Variants in DNAI1 observed in about 807,000 individuals in gnomAD.
The protein encoded by DNAI1 is dynein axonemal intermediate chain 1.
Under a neutral mutation model 92.0 loss-of-function variants are expected in DNAI1, and 67 were observed. That is an observed-to-expected ratio of 0.73 (90% CI 0.60 to 0.89). The LOEUF (loss-of-function observed/expected upper bound fraction) is 0.89, where lower values mean the gene tolerates loss of function less well. Ranked by LOEUF, DNAI1 falls within the 40% of genes least tolerant of loss-of-function variation. The probability of loss-of-function intolerance (pLI) is 0.00; values close to 1 mark genes in which losing one functional copy is unlikely to be tolerated. For synonymous variants in DNAI1, 323 were observed against 319.6 expected (o/e 1.01, Z -0.11); for missense variants, 839 against 866.6 (o/e 0.97, Z 0.40).
At chr9:34,466,378 A>G (rs1824038611) in intron 1 of DNAI1, among the ~76,000 whole-genome samples, 1 of 152,192 alleles carries the variant, frequency 6.6e-6, no homozygotes, top group Admixed American at 6.5e-5. Context: ...CTCAAATCTT[A>G]TTTGGGAACA....
intron 1 of DNAI1, among the ~76,000 whole-genome samples, chr9:34,462,265 A>T (rs1051112448): frequency 2.0e-5 from 3 of 152,130 alleles, no homozygotes; most frequent in African/African-American, 7.2e-5. Flanking sequence ...CTGGAAAGTG[A>T]TATTCACACT....
Position 34,485,213 on chromosome 9 carries a change from C to T in DNAI1, c.153C>T (p.Pro51=). 1 of 1,614,146 alleles carries T rather than the reference C, an allele frequency of 6.2e-7. No homozygotes were observed. The highest frequency in any genetic ancestry group is 8.5e-7 in the Non-Finnish European group (1 of 1,180,024). ...EWAQSKATVR[P]PDQLELTDAE... ...CCCAATCCAAAGCCACAGTTAGACC[C>T]CCTGACCAGCTGGAGTTGACCGATG... The change falls in exon 3 of 20, where the codon CCC becomes CCT. Residue 51 remains proline (P), a synonymous_variant. Coordinates refer to ENST00000242317, the MANE Select transcript of DNAI1 (RefSeq NM_012144.4).
Position 34,491,545 on chromosome 9 carries a change from A to G in DNAI1, c.672A>G (p.Thr224=), listed in dbSNP as rs201101182. The change falls in exon 8 of 20, where the codon ACA becomes ACG. Residue 224 remains threonine (T), a synonymous_variant. Transcript: ENST00000242317. ...CTCCCAGGACAAACTTTTCAGCCACAGCCAATCAGGTAAGACCCTGGGCCA... is the reference window on the plus strand; with the variant it reads ...CTCCCAGGACAAACTTTTCAGCCACGGCCAATCAGGTAAGACCCTGGGCCA... ...EPPPRTNFSA[T]ANQWEIYDAY... is the part of the protein sequence containing the mutation. The G allele has an allele frequency of 2.0e-5, 32 of 1,614,212 alleles. No homozygotes were observed. The East Asian group carries it at 4.9e-4, about 25-fold the overall frequency.
At chr9:34,519,497 AAG>A (rs1410709703) in intron 19 of DNAI1, among the ~76,000 whole-genome samples, 9 of 152,118 alleles carry the variant, frequency 5.9e-5, no homozygotes, top group Admixed American at 2.6e-4. Context: ...GGAGAGAGGG[AAG>A]AGAGAGAAAA....
intron 16 of DNAI1, among the ~76,000 whole-genome samples, chr9:34,513,738 G>A (rs1825117150): frequency 6.6e-6 from 1 of 152,184 alleles, no homozygotes; most frequent in African/African-American, 2.4e-5. Flanking sequence ...GAGCCCCTGA[G>A]GCCCAGCCAG....
rs1364331742 is a variant in DNAI1 at position 34,479,753 on chromosome 9, C to T, written c.49-3695C>T. Among the ~76,000 whole-genome samples the T allele has an allele frequency of 3.9e-5, 6 of 152,228 alleles. No homozygotes were observed. The South Asian group carries it at 1.2e-3, about 32-fold the overall frequency. Reference sequence around the variant, plus strand: ...TAGCTCTCTGGCTCGTGTGGCTTAGCCTCAGAGAAGGGTTCCCATCATTGG... The same window carrying T: ...TAGCTCTCTGGCTCGTGTGGCTTAGTCTCAGAGAAGGGTTCCCATCATTGG... On this transcript the variant is annotated intron_variant, in intron 1 of 19. Transcript: ENST00000242317.
Position 34,513,158 on chromosome 9 carries a change from C to T in DNAI1, c.1536C>T (p.Phe512=). Residue 512 remains phenylalanine, a synonymous_variant, in exon 16 of 20, where the codon TTC becomes TTT. Transcript: ENST00000242317. ...TCCACAAAGAGATTGACTACATGTT[C>T]CTAGTGGGCACAGAGGAGGGAAAAA... ...FDFHKEIDYM[F]LVGTEEGKIY... is the part of the protein sequence containing the mutation. 1 of 1,614,164 alleles carries T rather than the reference C, an allele frequency of 6.2e-7. No individual in the cohort carries two copies. The highest frequency in any genetic ancestry group is 8.5e-7 in the Non-Finnish European group (1 of 1,180,022).
At chr9:34,517,912 T>C (rs1311986517) in intron 19 of DNAI1, among the ~76,000 whole-genome samples, 1 of 152,144 alleles carries the variant, frequency 6.6e-6, no homozygotes, top group Non-Finnish European at 1.5e-5. Flanking sequence ...AGGAAGGAAA[T>C]GAGCCGCAAG....
At position 34,514,557 on chromosome 9, in the gene DNAI1, C is replaced by G; in HGVS notation, c.1718+15C>G. ...CACACCATCAAGTGAGGGGCCTGTT[C>G]CTGGCTCTGCCTGGGGCCCTCCCCT... On this transcript the variant is annotated intron_variant, in intron 17 of 19. Transcript: ENST00000242317. 6.2e-7 allele frequency: 1 copy of G among 1,614,232 alleles called. No homozygotes were observed. Among genetic ancestry groups the G allele is most frequent in the Non-Finnish European group, 8.5e-7 (1 of 1,180,042 alleles).
intron 4 of DNAI1, 135 bp from the exon 5 acceptor site, chr9:34,489,188 T>G (rs1373030214): frequency 9.9e-7 from 1 of 1,012,520 alleles, no homozygotes; most frequent in East Asian, 2.4e-5. Flanking sequence ...AACTTCAGAT[T>G]AACTGAGGAT....
At chr9:34,469,793 T>G (rs1021763040) in intron 1 of DNAI1, among the ~76,000 whole-genome samples, 1 of 152,136 alleles carries the variant, frequency 6.6e-6, no homozygotes, top group Non-Finnish European at 1.5e-5. Flanking sequence ...TTGGCCAGGT[T>G]GATGGCAAAC....
chr9:34,492,493 G>GAT lies in DNAI1; in HGVS notation c.682-660_682-659dup, dbSNP rs752863173. Among the ~76,000 whole-genome samples the GAT allele has an allele frequency of 4.2e-3, 284 of 68,174 alleles. 6 individuals carry two copies. The highest frequency in any genetic ancestry group is 6.7e-3 in the Admixed American group (40 of 5,986). The allele number at this position is 68,174 out of a possible 152,430, so 44.7% of individuals were successfully genotyped here. ...TCCGGGGTGGGGGTGGGGATATGAA[G>GAT]ATATATATATATATATATATATATA... is the stretch of plus-strand genomic sequence containing the variant. On this transcript the variant is annotated intron_variant, in intron 8 of 19. Coordinates refer to ENST00000242317, the MANE Select transcript of DNAI1 (RefSeq NM_012144.4).
chr9:34,504,876 G>GT (rs1824894984), intron 12 of DNAI1, among the ~76,000 whole-genome samples: 1 of 152,146 alleles, frequency 6.6e-6, no homozygotes, highest in Admixed American at 6.5e-5. Flanking sequence ...GGAGTCGAAG[G>GT]TGGCAAGGCT....
At chr9:34,477,267 ATG>A (rs1176903890) in intron 1 of DNAI1, among the ~76,000 whole-genome samples, 1 of 152,164 alleles carries the variant, frequency 6.6e-6, no homozygotes, top group Non-Finnish European at 1.5e-5. Context: ...AATCAAGAGA[ATG>A]ACACAATCAT....
chr9:34,514,219 T>C (rs1417655914), intron 16 of DNAI1, among the ~76,000 whole-genome samples, 175 bp from the exon 17 acceptor site: 1 of 152,154 alleles, frequency 6.6e-6, no homozygotes, highest in Non-Finnish European at 1.5e-5. Flanking sequence ...AAGCCCTTCC[T>C]TTCCCCCAGG....
intron 1 of DNAI1, among the ~76,000 whole-genome samples, chr9:34,460,053 C>T (rs950729570): frequency 1.1e-4 from 17 of 152,224 alleles, no homozygotes; most frequent in African/African-American, 4.1e-4. Context: ...CTGCGAGCCC[C>T]TGGTCCACTC....
At chr9:34,495,294 C>T (rs12685610) in intron 9 of DNAI1, among the ~76,000 whole-genome samples, 1 of 152,152 alleles carries the variant, frequency 6.6e-6, no homozygotes, top group Admixed American at 6.5e-5. Context: ...AACTGGAAAC[C>T]TGCATCTCCC....
intron 1 of DNAI1, among the ~76,000 whole-genome samples, chr9:34,479,084 G>A (rs953105297): frequency 2.6e-5 from 4 of 152,286 alleles, no homozygotes; most frequent in Admixed American, 2.6e-4. Flanking sequence ...AGAGGAAAGG[G>A]GAAGATGGCA....
At chr9:34,485,060 G>A (rs970324615) in intron 2 of DNAI1, 82 bp from the exon 3 acceptor site, 94 of 1,360,976 alleles carry the variant, frequency 6.9e-5, no homozygotes, top group Admixed American at 1.2e-4. Context: ...GCTTCTGGGA[G>A]TGTTTGTGAA....
Sources: gnomAD v4.1 joint callset for allele counts (sites outside exome capture counted in the v4.1 genomes callset) on GRCh38, gnomAD v4.1.1 for gene constraint, MANE v1.5 for transcripts, NCBI Gene and HGNC (gene_info 2026-07-23, HGNC 2026-07-21) for gene names.